The following DCC variants were observed in gnomAD, a reference collection of about 807,000 sequenced individuals.
DCC encodes DCC netrin 1 receptor.
DCC carries 58 observed loss-of-function variants against 172.5 expected under a neutral mutation model. That is an observed-to-expected ratio of 0.34 (90% CI 0.27 to 0.42). DCC has a LOEUF of 0.42. DCC is among the 10% of genes least tolerant of loss of function. DCC has a pLI of 1.00. For missense variants in DCC, 1,740 were observed against 1,791.0 expected, an observed-to-expected ratio of 0.97 and a Z score of 0.51; for synonymous variants, 709 against 644.5, an observed-to-expected ratio of 1.10 and a Z score of -1.52.
chr18:52,558,777 C>G (rs1223469508), intron 1 of DCC, among the ~76,000 whole-genome samples: 3 of 152,090 alleles, frequency 2.0e-5, no homozygotes, highest in African/African-American at 7.2e-5. Flanking sequence ...AATTTCTAGC[C>G]AGCATCTGAG....
chr18:52,792,933 T>C (rs2037804358), intron 2 of DCC, among the ~76,000 whole-genome samples: 1 of 150,924 alleles, frequency 6.6e-6, no homozygotes, highest in Non-Finnish European at 1.5e-5. Context: ...GATTCTACCT[T>C]CTGATCCCTT....
chr18:52,604,061 T>C (rs185029573), intron 1 of DCC, among the ~76,000 whole-genome samples: 1 of 152,176 alleles, frequency 6.6e-6, no homozygotes, highest in East Asian at 1.9e-4. Flanking sequence ...TCTAAGATGA[T>C]AAGTAGAAAA....
At chr18:52,455,190 T>G (rs761344405) in intron 1 of DCC, among the ~76,000 whole-genome samples, 2 of 152,218 alleles carry the variant, frequency 1.3e-5, no homozygotes, top group Non-Finnish European at 1.5e-5. Context: ...TTTAATTAAT[T>G]TATTTGTTTT....
intron 1 of DCC, among the ~76,000 whole-genome samples, chr18:52,538,768 T>G (rs1207231479): frequency 1.3e-5 from 2 of 151,444 alleles, no homozygotes; most frequent in Non-Finnish European, 3.0e-5. Flanking sequence ...TACAAACATG[T>G]TTTTTTTTCT....
At chr18:53,526,183 A>C (rs140383366) in intron 27 of DCC, among the ~76,000 whole-genome samples, 23 of 152,228 alleles carry the variant, frequency 1.5e-4, no homozygotes, top group African/African-American at 5.5e-4. Flanking sequence ...TCATTTGTAG[A>C]CCAGAGCAAC....
intron 1 of DCC, among the ~76,000 whole-genome samples, chr18:52,543,808 A>G (rs1048619793): frequency 6.6e-5 from 10 of 152,178 alleles, no homozygotes; most frequent in African/African-American, 2.2e-4. Flanking sequence ...AGCCTTGCCC[A>G]TTGAGCTGAG....
intron 2 of DCC, among the ~76,000 whole-genome samples, chr18:52,885,810 G>A (rs897853356): frequency 1.3e-5 from 2 of 152,056 alleles, no homozygotes; most frequent in African/African-American, 4.8e-5. Context: ...TAGGTCCTTG[G>A]CATACTAACT....
At chr18:53,100,603 A>C (rs1258376734) in intron 7 of DCC, among the ~76,000 whole-genome samples, 18 of 152,014 alleles carry the variant, frequency 1.2e-4, no homozygotes, top group Non-Finnish European at 1.5e-5. Flanking sequence ...GCAGGACAAA[A>C]GGGACAAAGG....
intron 5 of DCC, among the ~76,000 whole-genome samples, chr18:53,006,466 A>C (rs1333408130): frequency 6.6e-6 from 1 of 152,242 alleles, no homozygotes; most frequent in African/African-American, 2.4e-5. Flanking sequence ...AAGAACTAGC[A>C]AAAGAGAAAC....
intron 15 of DCC, among the ~76,000 whole-genome samples, chr18:53,367,062 A>G (rs1022669570): frequency 2.6e-5 from 4 of 152,226 alleles, no homozygotes; most frequent in African/African-American, 9.6e-5. Flanking sequence ...GACACAGTTT[A>G]TGCCATTATT....
intron 9 of DCC, among the ~76,000 whole-genome samples, chr18:53,180,352 A>G (rs16956299): frequency 0.093 from 14,227 of 152,284 alleles, 863 homozygotes; most frequent in African/African-American, 0.16. Context: ...AACAACTTCA[A>G]AAGCATAGTC....
rs1354543954 is a variant in DCC, at chr18:53,510,298, G to A, written c.4111+10788G>A. ...TGTCACCCCAGGTTGAACAGCATAT[G>A]CAATCTGTAAAATAAATTTTAATAT... On this transcript the variant is annotated intron_variant, in intron 27 of 28. Transcript: ENST00000442544. 2.0e-5 allele frequency among the ~76,000 whole-genome samples: 3 copies of A among 152,148 alleles called. No individual in the cohort carries two copies. In the East Asian group the frequency reaches 5.8e-4, roughly 29 times the overall value.
chr18:52,914,228 A>T (rs2145466259), intron 3 of DCC, among the ~76,000 whole-genome samples: 1 of 152,114 alleles, frequency 6.6e-6, no homozygotes, highest in South Asian at 2.1e-4. Context: ...AAATAAAAAA[A>T]AATCACTTCC....
At chr18:53,161,228 C>T (rs2054833862) in intron 8 of DCC, among the ~76,000 whole-genome samples, 1 of 152,174 alleles carries the variant, frequency 6.6e-6, no homozygotes, top group African/African-American at 2.4e-5. Flanking sequence ...AGCAACTGCT[C>T]TTATCAAGGT....
intron 5 of DCC, among the ~76,000 whole-genome samples, chr18:52,950,860 G>A (rs1342680266): frequency 1.4e-5 from 2 of 144,516 alleles, no homozygotes; most frequent in Non-Finnish European, 3.0e-5. Flanking sequence ...GGGAGGCGGA[G>A]CTTGCAGTGA....
At chr18:53,204,201 T>A (rs2055589614) in intron 9 of DCC, among the ~76,000 whole-genome samples, 1 of 150,394 alleles carries the variant, frequency 6.6e-6, no homozygotes, top group Admixed American at 6.6e-5. Flanking sequence ...AAAAAAACCC[T>A]GCACAGATAC....
At chr18:53,088,638 A>C (rs551084998) in intron 7 of DCC, among the ~76,000 whole-genome samples, 156 of 152,316 alleles carry the variant, frequency 1.0e-3, no homozygotes, top group African/African-American at 3.4e-3. Flanking sequence ...TGTTTTTTTG[A>C]AAGGATCAAC....
intron 1 of DCC, among the ~76,000 whole-genome samples, chr18:52,645,987 G>GA (rs2035010861): frequency 6.6e-6 from 1 of 151,940 alleles, no homozygotes; most frequent in South Asian, 2.1e-4. Flanking sequence ...AGCTACAAAG[G>GA]AAAAAAGGAA....
At chr18:53,280,171 G>A (rs2056854931) in intron 12 of DCC, among the ~76,000 whole-genome samples, 1 of 152,096 alleles carries the variant, frequency 6.6e-6, no homozygotes, top group African/African-American at 2.4e-5. Flanking sequence ...CTTGTTAAAT[G>A]AATACATGTA....
Sources: gnomAD v4.1 joint callset for allele counts (sites outside exome capture counted in the v4.1 genomes callset) on GRCh38, gnomAD v4.1.1 for gene constraint, MANE v1.5 for transcripts, NCBI Gene and HGNC (gene_info 2026-07-23, HGNC 2026-07-21) for gene names.